Variants in ATP1B1 observed in about 807,000 individuals in gnomAD.
ATP1B1 encodes the protein sodium/potassium-transporting ATPase subunit beta-1.
Under a neutral mutation model 39.6 loss-of-function variants are expected in ATP1B1, and 3 were observed. The observed-to-expected ratio is 0.08, with a 90% CI of 0.03 to 0.20. ATP1B1 has a LOEUF of 0.20. Among genes scored for constraint, ATP1B1 ranks in the 10% least tolerant of loss-of-function variants. The pLI is 1.00. For missense variants in ATP1B1, 216 were observed against 371.1 expected (o/e 0.58, Z 3.43); for synonymous variants, 139 against 135.0 (o/e 1.03, Z -0.20).
At chr1:169,125,095 T>C (rs1658059601) in intron 3 of ATP1B1, 56 bp downstream of exon 3, 1 of 1,513,068 alleles carries the variant, frequency 6.6e-7, no homozygotes, top group African/African-American at 1.4e-5. Flanking sequence ...TTAACTCTTA[T>C]TTCCCACTTC....
At chr1:169,127,508 G>T in intron 4 of ATP1B1, 100 bp downstream of exon 4, 3 of 1,317,932 alleles carry the variant, frequency 2.3e-6, no homozygotes, top group Non-Finnish European at 3.1e-6. Flanking sequence ...AGTATACTCA[G>T]TGCTGACTTT....
At chr1:169,128,043 T>C (rs1280989430) in intron 4 of ATP1B1, among the ~76,000 whole-genome samples, 1 of 152,200 alleles carries the variant, frequency 6.6e-6, no homozygotes, top group African/African-American at 2.4e-5. Context: ...AATGAGCAAA[T>C]TGCCATTGCT....
Position 169,131,928 on chromosome 1 carries a change from C to A in ATP1B1, c.*373C>A, listed in dbSNP as rs2101796876. On this transcript the variant is annotated 3_prime_UTR_variant, in exon 6 of 6. Transcript: ENST00000367815. The surrounding 1 kb of genome is among the most constrained non-coding windows in gnomAD (Gnocchi z 4.4). ...GTGCATACTCTGGTCATTTTTCAAG[C>A]CATGTTTTATTGTATCTGTTTTCTA... 1 of 323,112 alleles carries A rather than the reference C, an allele frequency of 3.1e-6. No homozygotes were observed. Among genetic ancestry groups the A allele is most frequent in the Non-Finnish European group, 5.8e-6 (1 of 173,728 alleles). The allele number at this position is 323,112 out of a possible 1,614,324, so 20.0% of individuals were successfully genotyped here. A position where few individuals can be genotyped will look rare whatever the true frequency, so the allele number is the denominator to read the frequency against.
chr1:169,116,555 T>G (rs771807147), intron 2 of ATP1B1, among the ~76,000 whole-genome samples: 1 of 152,074 alleles, frequency 6.6e-6, no homozygotes, highest in Non-Finnish European at 1.5e-5. Flanking sequence ...TATCTAATCT[T>G]AAAACTCATT....
chr1:169,113,657 G>A (rs1200142), intron 2 of ATP1B1, among the ~76,000 whole-genome samples: 5 of 151,858 alleles, frequency 3.3e-5, no homozygotes, highest in Non-Finnish European at 5.9e-5. Context: ...ACCCTCTCAC[G>A]GTGCCTCCCT....
At chr1:169,119,742 G>GT (rs1272322030) in intron 2 of ATP1B1, among the ~76,000 whole-genome samples, 1 of 152,088 alleles carries the variant, frequency 6.6e-6, no homozygotes, top group Non-Finnish European at 1.5e-5. Flanking sequence ...CGAAAATACT[G>GT]TGAGTCAAAA....
chr1:169,113,092 G>A (rs560764376), intron 2 of ATP1B1, among the ~76,000 whole-genome samples: 73 of 151,042 alleles, frequency 4.8e-4, no homozygotes, highest in East Asian at 1.6e-3. Flanking sequence ...TTGAGACAGA[G>A]TTTTGCTCTG....
In ATP1B1 at chr1:169,124,824, A is replaced by G. The variant is rs1025048888; in HGVS notation, c.227-60A>G. On this transcript the variant is annotated intron_variant, in intron 2 of 5. Coordinates refer to ENST00000367815, the MANE Select transcript of ATP1B1 (RefSeq NM_001677.4). Reference sequence around the variant, plus strand: ...AGTATGTTTTGTATGTGGAAAGTCTACTTTTGAATTGTCTTCGTTTCTGCC... The same window carrying G: ...AGTATGTTTTGTATGTGGAAAGTCTGCTTTTGAATTGTCTTCGTTTCTGCC... The G allele has an allele frequency of 9.0e-6, 14 of 1,562,612 alleles. No homozygotes were observed. In the South Asian group the frequency reaches 9.2e-5, roughly 10 times the overall value.
chr1:169,109,258 C>T (rs1288621779), intron 1 of ATP1B1, among the ~76,000 whole-genome samples: 1 of 152,118 alleles, frequency 6.6e-6, no homozygotes, highest in African/African-American at 2.4e-5. Context: ...CCAAAAAAAC[C>T]TCTGTATTAC....
At chr1:169,118,533 G>A (rs779980821) in intron 2 of ATP1B1, among the ~76,000 whole-genome samples, 1 of 152,144 alleles carries the variant, frequency 6.6e-6, no homozygotes, top group Non-Finnish European at 1.5e-5. Flanking sequence ...ACTTTGCTAG[G>A]TAAGTTGATA....
At position 169,127,351 on chromosome 1, in the gene ATP1B1, A is replaced by G; in HGVS notation, c.510A>G (p.Lys170=). 2 of 1,612,456 alleles carry G rather than the reference A, an allele frequency of 1.2e-6. No individual in the cohort carries two copies. The highest frequency in any genetic ancestry group is 3.3e-4 in the Middle Eastern group (2 of 6,060). The change falls in exon 4 of 6, where the codon AAA becomes AAG. Residue 170 remains lysine (K), a synonymous_variant. Coordinates refer to ENST00000367815, the MANE Select transcript of ATP1B1 (RefSeq NM_001677.4). ...TAAATGATGAAACTTATGGCTACAA[A>G]GAGGGCAAACCGTGCATTATTATAA... ...SGLNDETYGY[K]EGKPCIIIKL...
chr1:169,114,930 G>A (rs1055892629), intron 2 of ATP1B1, among the ~76,000 whole-genome samples: 7 of 151,962 alleles, frequency 4.6e-5, no homozygotes, highest in South Asian at 2.1e-4. Flanking sequence ...GGTGACTCAC[G>A]TCTGTAATCC....
Position 169,124,880 on chromosome 1 carries a change from C to T in ATP1B1, c.227-4C>T. ...ACTAATGTTTTTCTCTCTGCCTGGT[C>T]TAGGATTAACACAGATTCCTCAGAT... On this transcript the variant is annotated splice_polypyrimidine_tract_variant and splice_region_variant and intron_variant, in intron 2 of 5. Transcript: ENST00000367815. The T allele has an allele frequency of 6.2e-7, 1 of 1,612,422 alleles. No homozygotes were observed. The highest frequency in any genetic ancestry group is 8.5e-7 in the Non-Finnish European group (1 of 1,179,380).
At chr1:169,107,620 T>C (rs981500297) in intron 1 of ATP1B1, among the ~76,000 whole-genome samples, 8 of 152,096 alleles carry the variant, frequency 5.3e-5, no homozygotes, top group African/African-American at 9.7e-5. Context: ...AGTCAGTAGG[T>C]TGGGTTGATT....
intron 2 of ATP1B1, among the ~76,000 whole-genome samples, chr1:169,116,621 C>G (rs1292978662): frequency 3.3e-5 from 5 of 152,102 alleles, no homozygotes; most frequent in Non-Finnish European, 2.9e-5. Context: ...GAGGCCGAGG[C>G]AGGCAGATCA....
chr1:169,122,548 A>T (rs1303806255), intron 2 of ATP1B1, among the ~76,000 whole-genome samples: 1 of 152,152 alleles, frequency 6.6e-6, no homozygotes, highest in Non-Finnish European at 1.5e-5. Flanking sequence ...TTCAGGGTAT[A>T]TTTAAATTGC....
intron 2 of ATP1B1, among the ~76,000 whole-genome samples, chr1:169,118,869 T>G (rs1014483556): frequency 1.3e-5 from 2 of 152,230 alleles, no homozygotes; most frequent in African/African-American, 4.8e-5. Flanking sequence ...AAATGATTCC[T>G]ATTTAGAGAT....
chr1:169,130,867 G>A (rs78395269), intron 5 of ATP1B1, among the ~76,000 whole-genome samples: 2,204 of 151,474 alleles, frequency 0.015, 54 homozygotes, highest in African/African-American at 0.05. Flanking sequence ...CTAATGGACC[G>A]TTTAGAGAGA....
At chr1:169,124,804 G>GT in intron 2 of ATP1B1, 80 bp from the exon 3 acceptor site, 2 of 1,501,590 alleles carry the variant, frequency 1.3e-6, no homozygotes, top group Non-Finnish European at 9.1e-7. Context: ...AGCAAAGTAT[G>GT]TTTTGTATGT....
Sources: gnomAD v4.1 joint callset for allele counts (sites outside exome capture counted in the v4.1 genomes callset) on GRCh38, gnomAD v4.1.1 for gene constraint, Gnocchi (gnomAD v3.1) non-coding constraint, MANE v1.5 for transcripts, NCBI Gene and HGNC (gene_info 2026-07-23, HGNC 2026-07-21) for gene names.